The following GRAP2 variants were observed in gnomAD, a reference collection of about 807,000 sequenced individuals.
The protein encoded by GRAP2 is GRB2 related adaptor protein 2, also known as GRB2-related adapter protein 2.
A neutral mutation model predicts 43.5 loss-of-function variants in GRAP2; 31 were observed. The observed-to-expected ratio is 0.71, with a 90% confidence interval of 0.54 to 0.96. The LOEUF (loss-of-function observed/expected upper bound fraction) is 0.96. Ranked by LOEUF, GRAP2 falls within the 40% of genes least tolerant of loss-of-function variation. GRAP2 has a pLI of 0.00. For synonymous variants in GRAP2, 156 were observed against 164.8 expected (o/e 0.95, Z 0.41); for missense variants, 371 against 424.4 (o/e 0.87, Z 1.11).
At chr22:39,933,079 G>C (rs1403993116) in intron 1 of GRAP2, among the ~76,000 whole-genome samples, 3 of 152,226 alleles carry the variant, frequency 2.0e-5, no homozygotes, top group Non-Finnish European at 2.9e-5. Flanking sequence ...TGGGGTATGA[G>C]GGGGGCAGGC....
intron 1 of GRAP2, among the ~76,000 whole-genome samples, chr22:39,917,182 A>G (rs1185585112): frequency 6.6e-6 from 1 of 152,206 alleles, no homozygotes; most frequent in East Asian, 1.9e-4. Flanking sequence ...TGAGGGATTT[A>G]CTGTGCTCAT....
intron 1 of GRAP2, among the ~76,000 whole-genome samples, chr22:39,914,964 G>A (rs1219070623): frequency 1.3e-5 from 2 of 151,968 alleles, no homozygotes; most frequent in African/African-American, 4.8e-5. Context: ...TGAGGCAGGT[G>A]GATCACTCGA....
intron 3 of GRAP2, among the ~76,000 whole-genome samples, chr22:39,958,889 C>T (rs2067086344): frequency 6.6e-6 from 1 of 152,208 alleles, no homozygotes; most frequent in African/African-American, 2.4e-5. Flanking sequence ...GCTTTCAGCC[C>T]TCTCAGAGCA....
intron 4 of GRAP2, among the ~76,000 whole-genome samples, chr22:39,962,805 C>T (rs568218731): frequency 1.3e-5 from 2 of 152,132 alleles, no homozygotes; most frequent in African/African-American, 2.4e-5. Flanking sequence ...ACCATGGGTT[C>T]GCACCACCAC....
chr22:39,927,497 T>C (rs1445172758), intron 1 of GRAP2, among the ~76,000 whole-genome samples: 1 of 152,220 alleles, frequency 6.6e-6, no homozygotes, highest in East Asian at 1.9e-4. Context: ...GCAAGGTCTT[T>C]TTAAGCATCT....
intron 2 of GRAP2, among the ~76,000 whole-genome samples, chr22:39,950,712 C>A (rs1416978238): frequency 6.6e-6 from 1 of 152,210 alleles, no homozygotes; most frequent in Non-Finnish European, 1.5e-5. Flanking sequence ...AAAGCCAACC[C>A]CCTCCCTCTT....
chr22:39,910,654 G>T (rs1212344453), intron 1 of GRAP2, among the ~76,000 whole-genome samples: 2 of 151,204 alleles, frequency 1.3e-5, no homozygotes, highest in Admixed American at 6.6e-5. Flanking sequence ...TGATCCGCCT[G>T]CCTCGGCCTC....
intron 1 of GRAP2, among the ~76,000 whole-genome samples, chr22:39,906,081 T>C (rs1378067428): frequency 6.6e-6 from 1 of 151,822 alleles, no homozygotes; most frequent in Non-Finnish European, 1.5e-5. Flanking sequence ...TATGAAGTAA[T>C]GGGGGGAAAA....
intron 4 of GRAP2, chr22:39,964,352 C>G: frequency 1.4e-6 from 1 of 712,920 alleles, no homozygotes; most frequent in East Asian, 2.6e-5. Context: ...GTGGCAGGGT[C>G]TGGGGAAGGG....
At chr22:39,907,897 A>T (rs2066534003) in intron 1 of GRAP2, among the ~76,000 whole-genome samples, 1 of 152,204 alleles carries the variant, frequency 6.6e-6, no homozygotes, top group East Asian at 1.9e-4. Context: ...GTAATTTGCT[A>T]ATGTCTGCCG....
chr22:39,956,209 G>A (rs927663572), intron 3 of GRAP2, among the ~76,000 whole-genome samples: 10 of 150,242 alleles, frequency 6.7e-5, no homozygotes, highest in African/African-American at 2.5e-4. Context: ...CCAGGCTGGA[G>A]TGCGGTGACT....
chr22:39,911,333 C>A (rs113524995), intron 1 of GRAP2, among the ~76,000 whole-genome samples: 3,547 of 152,078 alleles, frequency 0.023, 117 homozygotes, highest in South Asian at 0.14. Context: ...GAGCAAGTGC[C>A]ATAAAGCATA....
chr22:39,924,595 G>A (rs777013172), intron 1 of GRAP2, among the ~76,000 whole-genome samples: 14 of 152,112 alleles, frequency 9.2e-5, no homozygotes, highest in Admixed American at 5.2e-4. Context: ...CTAGCTACTC[G>A]GGAGGCTGAG....
intron 1 of GRAP2, among the ~76,000 whole-genome samples, chr22:39,923,763 A>C (rs1289802301): frequency 6.6e-6 from 1 of 152,242 alleles, no homozygotes; most frequent in African/African-American, 2.4e-5. Flanking sequence ...AATGGAACTG[A>C]AGTTTAAAAG....
chr22:39,968,151 C>A lies in GRAP2; in HGVS notation c.569C>A (p.Pro190His), dbSNP rs2067194927. Residue 190 changes from proline to histidine, a missense_variant, in exon 6 of 8, where the codon CCC becomes CAC. Pro to His is a moderately conservative substitution (Grantham distance 77). Coordinates refer to ENST00000344138, the MANE Select transcript of GRAP2 (RefSeq NM_004810.4). ...PSMNRKLSDH[P>H]PTLPLQQHQH... ...ATGAACCGGAAGCTGTCGGATCACC[C>A]CCCGACCCTTCCCCTGCAGCAGCAC... 1 of 1,607,110 alleles carries A rather than the reference C, an allele frequency of 6.2e-7. No individual in the cohort carries two copies. Among genetic ancestry groups the A allele is most frequent in the Non-Finnish European group, 8.5e-7 (1 of 1,176,932 alleles).
At chr22:39,970,707 G>A (rs1440642547) in intron 7 of GRAP2, among the ~76,000 whole-genome samples, 198 bp from the exon 8 acceptor site, 2 of 152,114 alleles carry the variant, frequency 1.3e-5, no homozygotes, top group East Asian at 3.9e-4. Context: ...GACTTCTTGA[G>A]GCCAAGGGTT....
At position 39,916,880 on chromosome 22, in the gene GRAP2, T is replaced by C. The variant is rs537678886; in HGVS notation, c.-15+15550T>C. Among the ~76,000 whole-genome samples, 13 of 152,242 alleles carry C rather than the reference T, an allele frequency of 8.5e-5. 1 individual carries two copies. In the South Asian group the frequency reaches 2.7e-3, roughly 32 times the overall value. Reference sequence around the variant, plus strand: ...TGGTTTTGGCAGGTGATTTTTTTTTTCGGAATCTTCTTTAACACTATTAGC... The same window carrying C: ...TGGTTTTGGCAGGTGATTTTTTTTTCCGGAATCTTCTTTAACACTATTAGC... On this transcript the variant is annotated intron_variant, in intron 1 of 7. Transcript: ENST00000344138.
chr22:39,968,875 C>G (rs1350028928), intron 6 of GRAP2, among the ~76,000 whole-genome samples: 1 of 152,200 alleles, frequency 6.6e-6, no homozygotes, highest in Non-Finnish European at 1.5e-5. Context: ...CCCACGCTGC[C>G]TTAGTTACCC....
chr22:39,951,335 C>T (rs2066979977), intron 2 of GRAP2, among the ~76,000 whole-genome samples: 1 of 152,194 alleles, frequency 6.6e-6, no homozygotes, highest in South Asian at 2.1e-4. Flanking sequence ...TGAAAAATAT[C>T]TCTTGACCCA....
Sources: gnomAD v4.1 joint callset for allele counts (sites outside exome capture counted in the v4.1 genomes callset) on GRCh38, gnomAD v4.1.1 for gene constraint, MANE v1.5 for transcripts, NCBI Gene and HGNC (gene_info 2026-07-23, HGNC 2026-07-21) for gene names.